The following ARIH2 variants were observed in gnomAD, a reference collection of about 807,000 sequenced individuals.
The protein encoded by ARIH2 is ariadne RBR E3 ubiquitin protein ligase 2.
Under a neutral mutation model 79.8 loss-of-function variants are expected in ARIH2, and 12 were observed. That is an observed-to-expected ratio of 0.15 (90% CI 0.10 to 0.24). The LOEUF is 0.24. ARIH2 is among the 10% of genes least tolerant of loss of function. The pLI is 1.00. For missense variants in ARIH2, 301 were observed against 618.3 expected, an observed-to-expected ratio of 0.49 and a Z score of 5.44; for synonymous variants, 224 against 213.9, an observed-to-expected ratio of 1.05 and a Z score of -0.41.
chr3:48,975,672 C>T (rs1463257299), intron 11 of ARIH2, among the ~76,000 whole-genome samples: 1 of 151,106 alleles, frequency 6.6e-6, no homozygotes, highest in Non-Finnish European at 1.5e-5. Context: ...TCAAGCAGTT[C>T]TCCTGCCTCA....
At position 48,926,007 on chromosome 3, in the gene ARIH2, C is replaced by T. The variant is rs578000678; in HGVS notation, c.-97-1455C>T. 1.2e-3 allele frequency among the ~76,000 whole-genome samples: 180 copies of T among 152,234 alleles called. 1 individual carries two copies. Among genetic ancestry groups the T allele is most frequent in the African/African-American group, 3.5e-3 (147 of 41,532 alleles). Reference sequence around the variant, plus strand: ...TGCTGGGATTACAGGCGTGAGCCACCGCACCTGGCCTAGTTTTAGATTTAA... The same window carrying T: ...TGCTGGGATTACAGGCGTGAGCCACTGCACCTGGCCTAGTTTTAGATTTAA... On this transcript the variant is annotated intron_variant, in intron 2 of 15. Transcript: ENST00000356401.
chr3:48,962,460 C>T (rs562534511), intron 4 of ARIH2, among the ~76,000 whole-genome samples: 1 of 152,180 alleles, frequency 6.6e-6, no homozygotes, highest in African/African-American at 2.4e-5. Flanking sequence ...CTTTCCACCT[C>T]CTCCAGAACT....
At chr3:48,979,708 A>T in intron 12 of ARIH2, 75 bp downstream of exon 12, 1 of 1,535,120 alleles carries the variant, frequency 6.5e-7, no homozygotes, top group Non-Finnish European at 8.9e-7. Flanking sequence ...ATTCCCAGGG[A>T]CTGGTAGACA....
rs2092818911 is a variant in ARIH2 at position 48,983,396 on chromosome 3, C to T, written c.*126C>T. On this transcript the variant is annotated 3_prime_UTR_variant, in exon 16 of 16. Transcript: ENST00000356401. ...CAGCCAGGGCCCCACTCCTGAGAGA[C>T]ACTGGCAACACCTCTTAGTTGATTT... 1 of 815,910 alleles carries T rather than the reference C, an allele frequency of 1.2e-6. No homozygotes were observed. The highest frequency in any genetic ancestry group is 2.1e-6 in the Non-Finnish European group (1 of 480,370). 50.5% of individuals were successfully genotyped at this position (815,910 alleles called of 1,614,324 possible). A position where few individuals can be genotyped will look rare whatever the true frequency, so the allele number is the denominator to read the frequency against.
intron 3 of ARIH2, among the ~76,000 whole-genome samples, chr3:48,942,357 C>T (rs952858162): frequency 1.3e-5 from 2 of 152,112 alleles, no homozygotes; most frequent in Non-Finnish European, 2.9e-5. Context: ...AGCCAAGCCT[C>T]AACTGATTTT....
At chr3:48,928,148 C>A (rs2085884238) in intron 3 of ARIH2, among the ~76,000 whole-genome samples, 3 of 152,308 alleles carry the variant, frequency 2.0e-5, no homozygotes, top group South Asian at 4.1e-4. Flanking sequence ...GAGGTTGATA[C>A]AATAAGCATC....
At chr3:48,969,186 T>G (rs1490067343) in intron 7 of ARIH2, among the ~76,000 whole-genome samples, 1 of 151,952 alleles carries the variant, frequency 6.6e-6, no homozygotes, top group Non-Finnish European at 1.5e-5. Flanking sequence ...TTCTTTTTTT[T>G]TTTTTTTTTA....
chr3:48,939,657 C>G (rs886929097), intron 3 of ARIH2, among the ~76,000 whole-genome samples: 1 of 148,238 alleles, frequency 6.7e-6, no homozygotes, highest in African/African-American at 2.5e-5. Flanking sequence ...ACTCGGGAGG[C>G]TGAGGCAGGA....
At chr3:48,944,821 T>C (rs1358204482) in intron 3 of ARIH2, among the ~76,000 whole-genome samples, 1 of 152,220 alleles carries the variant, frequency 6.6e-6, no homozygotes, top group Non-Finnish European at 1.5e-5. Context: ...TTTAGTACTT[T>C]CTTGCCTCCC....
chr3:48,953,742 G>T (rs912566967), intron 3 of ARIH2, among the ~76,000 whole-genome samples: 1 of 151,694 alleles, frequency 6.6e-6, no homozygotes, highest in African/African-American at 2.4e-5. Context: ...AGTCACCCCG[G>T]CTGGAGCGTA....
intron 3 of ARIH2, among the ~76,000 whole-genome samples, chr3:48,932,222 G>A (rs1406968876): frequency 6.6e-6 from 1 of 152,046 alleles, no homozygotes; most frequent in Non-Finnish European, 1.5e-5. Flanking sequence ...GGAAGCTGCT[G>A]GCATTCAAAT....
intron 8 of ARIH2, among the ~76,000 whole-genome samples, chr3:48,973,464 C>G (rs35879223): frequency 2.2e-4 from 33 of 151,688 alleles, no homozygotes; most frequent in Non-Finnish European, 3.1e-4. Context: ...GTAGTCCCAA[C>G]TACTCGGGAG....
intron 4 of ARIH2, among the ~76,000 whole-genome samples, chr3:48,963,284 G>T (rs577720922): frequency 6.6e-6 from 1 of 152,146 alleles, no homozygotes; most frequent in African/African-American, 2.4e-5. Flanking sequence ...AACCACATAG[G>T]TTCTGGCAAT....
chr3:48,960,713 G>A (rs1316277061), intron 3 of ARIH2, among the ~76,000 whole-genome samples: 2 of 150,432 alleles, frequency 1.3e-5, no homozygotes, highest in Non-Finnish European at 2.9e-5. Context: ...GCAGTGAGCC[G>A]AGGTCATGCC....
At chr3:48,956,780 C>A (rs1377889341) in intron 3 of ARIH2, among the ~76,000 whole-genome samples, 2 of 151,846 alleles carry the variant, frequency 1.3e-5, no homozygotes, top group Non-Finnish European at 2.9e-5. Flanking sequence ...CTCACTGCAA[C>A]CTCTGCCTCC....
intron 3 of ARIH2, chr3:48,949,054 T>C: frequency 2.2e-6 from 1 of 456,662 alleles, no homozygotes; most frequent in Non-Finnish European, 4.4e-6. Context: ...TGTTTTCATT[T>C]CTCTTGTATA....
At chr3:48,957,033 C>T (rs929593586) in intron 3 of ARIH2, among the ~76,000 whole-genome samples, 3 of 152,256 alleles carry the variant, frequency 2.0e-5, no homozygotes, top group African/African-American at 7.2e-5. Context: ...GTATTGATGT[C>T]CTCTTGGCTG....
At chr3:48,969,979 C>G (rs2092095428) in intron 7 of ARIH2, among the ~76,000 whole-genome samples, 1 of 151,040 alleles carries the variant, frequency 6.6e-6, no homozygotes, top group Non-Finnish European at 1.5e-5. Flanking sequence ...CAACCTCTAT[C>G]TCCCAGGTTC....
At chr3:48,942,146 G>A (rs1250413814) in intron 3 of ARIH2, among the ~76,000 whole-genome samples, 1 of 151,408 alleles carries the variant, frequency 6.6e-6, no homozygotes, top group African/African-American at 2.4e-5. Context: ...TGCCTCCTGA[G>A]TTCAAGCAAT....
Sources: gnomAD v4.1 joint callset for allele counts (sites outside exome capture counted in the v4.1 genomes callset) on GRCh38, gnomAD v4.1.1 for gene constraint, MANE v1.5 for transcripts, NCBI Gene and HGNC (gene_info 2026-07-23, HGNC 2026-07-21) for gene names.